The following THSD7A variants were observed in gnomAD, a reference collection of about 807,000 sequenced individuals.
THSD7A encodes the protein thrombospondin type-1 domain-containing protein 7A.
A neutral mutation model predicts 231.3 loss-of-function variants in THSD7A; 96 were observed. The ratio of observed to expected loss-of-function variants is 0.41; its 90% CI spans 0.35 to 0.49. The LOEUF is 0.49. Among genes scored for constraint, THSD7A ranks in the 20% least tolerant of loss-of-function variants. THSD7A has a pLI of 0.05. For missense variants in THSD7A, 2,290 were observed against 2,070.2 expected, an observed-to-expected ratio of 1.11 and a Z score of -2.06; for synonymous variants, 940 against 743.3, an observed-to-expected ratio of 1.26 and a Z score of -4.30.
At chr7:11,700,245 G>A (rs1780544798) in intron 1 of THSD7A, among the ~76,000 whole-genome samples, 1 of 151,026 alleles carries the variant, frequency 6.6e-6, no homozygotes, top group African/African-American at 2.4e-5. Flanking sequence ...TTCCAACTCA[G>A]GGGATAAAAG....
chr7:11,379,520 A>AT, intron 25 of THSD7A, 110 bp downstream of exon 25: 2 of 1,104,104 alleles, frequency 1.8e-6, no homozygotes, highest in Non-Finnish European at 1.3e-6. Context: ...CTAAAATGGG[A>AT]TTTTTATGCC....
At chr7:11,557,091 C>G (rs1200635487) in intron 4 of THSD7A, among the ~76,000 whole-genome samples, 3 of 151,884 alleles carry the variant, frequency 2.0e-5, no homozygotes, top group Admixed American at 1.3e-4. Flanking sequence ...TTCTGGAATT[C>G]CAATGACATG....
intron 1 of THSD7A, among the ~76,000 whole-genome samples, chr7:11,649,477 G>C (rs1584145385): frequency 6.6e-6 from 1 of 151,988 alleles, no homozygotes; most frequent in Admixed American, 6.6e-5. Flanking sequence ...ATGGTGGCTG[G>C]AATAGGTATG....
intron 1 of THSD7A, among the ~76,000 whole-genome samples, chr7:11,798,328 A>G (rs1395400138): frequency 6.6e-6 from 1 of 151,886 alleles, no homozygotes; most frequent in Non-Finnish European, 1.5e-5. Flanking sequence ...AAAAATACCC[A>G]GGCATGGTGG....
At chr7:11,439,205 C>T (rs112453101) in intron 13 of THSD7A, among the ~76,000 whole-genome samples, 2,903 of 152,032 alleles carry the variant, frequency 0.019, 83 homozygotes, top group African/African-American at 0.062. Flanking sequence ...ATGCATTACA[C>T]AGAGTAATAA....
At chr7:11,442,143 C>T (rs917438044) in intron 13 of THSD7A, among the ~76,000 whole-genome samples, 2 of 151,806 alleles carry the variant, frequency 1.3e-5, no homozygotes, top group African/African-American at 4.8e-5. Flanking sequence ...TATTTAATAC[C>T]ATGCATCAGG....
chr7:11,754,393 C>T (rs915904465), intron 1 of THSD7A, among the ~76,000 whole-genome samples: 2 of 151,942 alleles, frequency 1.3e-5, no homozygotes, highest in Non-Finnish European at 2.9e-5. Flanking sequence ...TGGAGCCATA[C>T]ATGGGACTTA....
At chr7:11,680,413 C>T (rs1374087195) in intron 1 of THSD7A, among the ~76,000 whole-genome samples, 1 of 152,102 alleles carries the variant, frequency 6.6e-6, no homozygotes, top group African/African-American at 2.4e-5. Context: ...AGTGAACAGG[C>T]AACCTACAGA....
intron 1 of THSD7A, among the ~76,000 whole-genome samples, chr7:11,653,423 G>A (rs1782582038): frequency 7.0e-6 from 1 of 143,472 alleles, no homozygotes; most frequent in Non-Finnish European, 1.5e-5. Flanking sequence ...AGCCCAGAGA[G>A]GAACACCGAG....
chr7:11,376,903 T>A, intron 26 of THSD7A: 1 of 320,588 alleles, frequency 3.1e-6, no homozygotes, highest in Admixed American at 4.6e-5. Flanking sequence ...AGATTTCAAG[T>A]TTCTTTGGCT....
chr7:11,397,714 A>G lies in THSD7A; in HGVS notation c.4411+4081T>C, dbSNP rs182284752. On this transcript the variant is annotated intron_variant, in intron 23 of 27. Coordinates refer to ENST00000423059, the MANE Select transcript of THSD7A (RefSeq NM_015204.3). ...AGAACTTAAACAAATTTACAAGAAAACAACAACCCCATGAAAAAGTGGGCG... is the reference window on the plus strand; with the variant it reads ...AGAACTTAAACAAATTTACAAGAAAGCAACAACCCCATGAAAAAGTGGGCG... Among the ~76,000 whole-genome samples, 13 of 152,290 alleles carry G rather than the reference A, an allele frequency of 8.5e-5. No homozygotes were observed. The East Asian group carries it at 2.3e-3, about 27-fold the overall frequency.
At chr7:11,654,244 T>C (rs757057833) in intron 1 of THSD7A, among the ~76,000 whole-genome samples, 3 of 150,960 alleles carry the variant, frequency 2.0e-5, no homozygotes, top group Non-Finnish European at 4.4e-5. Context: ...TTAGAAACTA[T>C]GGCAAATATT....
chr7:11,547,189 A>G (rs1021778239), intron 4 of THSD7A, among the ~76,000 whole-genome samples: 1 of 152,216 alleles, frequency 6.6e-6, no homozygotes, highest in Non-Finnish European at 1.5e-5. Context: ...GTTACTGACC[A>G]CCACAAAAAC....
At chr7:11,551,303 A>G (rs561166051) in intron 4 of THSD7A, among the ~76,000 whole-genome samples, 1 of 152,224 alleles carries the variant, frequency 6.6e-6, no homozygotes, top group Non-Finnish European at 1.5e-5. Flanking sequence ...CATGACGAAG[A>G]CCCCAAAATC....
intron 4 of THSD7A, among the ~76,000 whole-genome samples, chr7:11,559,403 A>G (rs1171828114): frequency 1.3e-5 from 2 of 152,166 alleles, no homozygotes; most frequent in African/African-American, 4.8e-5. Flanking sequence ...AAGTTGGTGG[A>G]GGGTTATAAG....
At chr7:11,587,607 A>C (rs949261463) in intron 4 of THSD7A, among the ~76,000 whole-genome samples, 7 of 152,210 alleles carry the variant, frequency 4.6e-5, no homozygotes, top group African/African-American at 1.7e-4. Context: ...TATTTTACTA[A>C]AGACCTTGTG....
chr7:11,756,552 G>A (rs536951853), intron 1 of THSD7A, among the ~76,000 whole-genome samples: 2 of 151,940 alleles, frequency 1.3e-5, no homozygotes, highest in African/African-American at 4.8e-5. Flanking sequence ...AACAAGAAAG[G>A]CTTTAGTAAA....
chr7:11,804,567 C>G (rs1784353271), intron 1 of THSD7A, among the ~76,000 whole-genome samples: 1 of 152,138 alleles, frequency 6.6e-6, no homozygotes, highest in African/African-American at 2.4e-5. Flanking sequence ...ACACAAAGTG[C>G]TATATACAGT....
At chr7:11,499,520 A>G (rs572220164) in intron 6 of THSD7A, among the ~76,000 whole-genome samples, 1 of 152,366 alleles carries the variant, frequency 6.6e-6, no homozygotes, top group East Asian at 1.9e-4. Flanking sequence ...ATAGGAACAA[A>G]GATACTGAGA....
Sources: allele counts gnomAD v4.1 joint callset (sites outside exome capture counted in the v4.1 genomes callset), GRCh38; gene constraint gnomAD v4.1.1; transcripts MANE v1.5; gene names NCBI Gene and HGNC (gene_info 2026-07-23, HGNC 2026-07-21).